Variants in TENM4 observed in about 807,000 individuals in gnomAD.
TENM4 encodes the protein teneurin transmembrane protein 4.
TENM4 carries 82 observed loss-of-function variants against 243.3 expected under a neutral mutation model. The observed-to-expected ratio is 0.34, with a 90% CI of 0.28 to 0.40. The LOEUF is 0.40. TENM4 is among the 10% of genes least tolerant of loss of function. The pLI is 1.00. For synonymous variants in TENM4, 1,412 were observed against 1,456.3 expected, an observed-to-expected ratio of 0.97 and a Z score of 0.69; for missense variants, 3,138 against 3,673.3, an observed-to-expected ratio of 0.85 and a Z score of 3.77.
chr11:78,867,912 T>C (rs1859023684), intron 9 of TENM4, among the ~76,000 whole-genome samples: 1 of 152,024 alleles, frequency 6.6e-6, no homozygotes, highest in Admixed American at 6.5e-5. Context: ...TTATTTTAAA[T>C]AGAAGATAAA....
At chr11:79,086,719 A>C (rs1001225315) in intron 4 of TENM4, among the ~76,000 whole-genome samples, 6 of 151,536 alleles carry the variant, frequency 4.0e-5, no homozygotes, top group African/African-American at 9.7e-5. Context: ...CTGTAGTCCC[A>C]GCTGCTTGGG....
chr11:78,707,013 T>C (rs1024461045), intron 27 of TENM4, among the ~76,000 whole-genome samples: 1 of 152,068 alleles, frequency 6.6e-6, no homozygotes, highest in African/African-American at 2.4e-5. Context: ...GGAGGTGACA[T>C]GAGTGCTGGG....
chr11:78,669,829 G>A lies in TENM4; in HGVS notation c.6516C>T (p.Asn2172=). 1.9e-6 allele frequency: 3 copies of A among 1,613,924 alleles called. No individual in the cohort carries two copies. The highest frequency in any genetic ancestry group is 2.5e-6 in the Non-Finnish European group (3 of 1,179,852). The stretch of plus-strand genomic sequence containing the variant: ...GCTCCTTCTTCACTACTCGCCCCAT[G>A]TTATCATACTGGACGGTCATCCAGT... ...LMYWMTVQYD[N]MGRVVKKELK... Residue 2172 remains asparagine, a synonymous_variant, in exon 32 of 34, where the codon AAC becomes AAT. Transcript: ENST00000278550. The surrounding 1 kb of genome is among the most constrained non-coding windows in gnomAD (Gnocchi z 6.4).
chr11:79,319,962 A>G (rs1856861006), intron 1 of TENM4, among the ~76,000 whole-genome samples: 1 of 152,166 alleles, frequency 6.6e-6, no homozygotes, highest in South Asian at 2.1e-4. Flanking sequence ...TCTACCAGTG[A>G]TTAATTTGGC....
chr11:79,217,305 C>T (rs913264270), intron 2 of TENM4, among the ~76,000 whole-genome samples: 7 of 152,074 alleles, frequency 4.6e-5, no homozygotes, highest in Non-Finnish European at 1.0e-4. Context: ...TTTCCTGCCC[C>T]ATACTGCCAC....
At chr11:79,253,051 A>C (rs1855639297) in intron 2 of TENM4, among the ~76,000 whole-genome samples, 2 of 152,218 alleles carry the variant, frequency 1.3e-5, no homozygotes, top group Non-Finnish European at 2.9e-5. Flanking sequence ...GAAAAGACAA[A>C]GGCTCCAAGA....
At chr11:79,262,446 C>T (rs763465251) in intron 2 of TENM4, among the ~76,000 whole-genome samples, 8 of 152,134 alleles carry the variant, frequency 5.3e-5, no homozygotes, top group Non-Finnish European at 1.0e-4. Context: ...AGGAAGTGGA[C>T]GCCAGTCTTG....
chr11:79,183,897 T>G (rs757068035), intron 3 of TENM4, among the ~76,000 whole-genome samples: 1 of 152,182 alleles, frequency 6.6e-6, no homozygotes. Flanking sequence ...CCCTTGTGCA[T>G]TACTGGTGGG....
intron 6 of TENM4, among the ~76,000 whole-genome samples, chr11:79,009,970 A>G (rs1432406909): frequency 6.6e-6 from 1 of 151,994 alleles, no homozygotes; most frequent in Admixed American, 6.5e-5. Flanking sequence ...GTCTCATGAG[A>G]TCTGACAGTT....
intron 2 of TENM4, among the ~76,000 whole-genome samples, chr11:79,282,034 T>G (rs1856165867): frequency 6.6e-6 from 1 of 152,228 alleles, no homozygotes. Flanking sequence ...GTGGATCACA[T>G]TTCCTCTGAC....
At chr11:78,938,897 TAC>T (rs1856836795) in intron 6 of TENM4, among the ~76,000 whole-genome samples, 1 of 152,220 alleles carries the variant, frequency 6.6e-6, no homozygotes, top group Admixed American at 6.5e-5. Flanking sequence ...CCTTTGTTCT[TAC>T]AGCAAAAACA....
chr11:79,366,468 G>A (rs1211719383), intron 1 of TENM4, among the ~76,000 whole-genome samples: 1 of 152,256 alleles, frequency 6.6e-6, no homozygotes. Flanking sequence ...GGGCTTACTA[G>A]CCCCTGCAGC....
chr11:78,729,391 G>T lies in TENM4; in HGVS notation c.3391C>A (p.Leu1131Ile), dbSNP rs1565352530. 6.3e-7 allele frequency: 1 copy of T among 1,578,074 alleles called. No individual in the cohort carries two copies. The highest frequency in any genetic ancestry group is 2.3e-5 in the East Asian group (1 of 43,244). ...GGAGGCTTACCAAAGGCTTCTGAAAGCCCAAACACCTTCTGGTTGTAGACG... is the reference window on the plus strand; with the variant it reads ...GGAGGCTTACCAAAGGCTTCTGAAATCCCAAACACCTTCTGGTTGTAGACG... Reference protein sequence around the residue: ...TDVYNQKVFGLSEAFVSVGYE... With the variant: ...TDVYNQKVFGISEAFVSVGYE... Residue 1131 changes from leucine to isoleucine, a missense_variant, in exon 22 of 34, where the codon CTT becomes ATT. By Grantham distance (5) the Leu-to-Ile change is conservative. Transcript: ENST00000278550.
In TENM4 at chr11:79,015,776, T is replaced by C. The variant is rs1007528871; in HGVS notation, c.493+48962A>G. On this transcript the variant is annotated intron_variant, in intron 6 of 33. Coordinates refer to ENST00000278550, the MANE Select transcript of TENM4 (RefSeq NM_001098816.3). ...TGGAGCTTCTAGTTTGGTGAAGAGA[T>C]AGACAATAAACACAAACAAAACAAC... is the stretch of plus-strand genomic sequence containing the variant. Among the ~76,000 whole-genome samples, 4 of 152,150 alleles carry C rather than the reference T, an allele frequency of 2.6e-5. No individual in the cohort carries two copies. The East Asian group carries it at 5.8e-4, about 22-fold the overall frequency.
chr11:79,207,510 G>T (rs1863872050), intron 3 of TENM4, among the ~76,000 whole-genome samples: 1 of 152,140 alleles, frequency 6.6e-6, no homozygotes, highest in African/African-American at 2.4e-5. Context: ...AAGTAGAAAA[G>T]CCCAGATTTG....
At chr11:79,210,209 C>T (rs1436500516) in intron 3 of TENM4, among the ~76,000 whole-genome samples, 1 of 152,166 alleles carries the variant, frequency 6.6e-6, no homozygotes, top group Non-Finnish European at 1.5e-5. Context: ...CAGTTCTCAT[C>T]GCCAGCCAGG....
At position 78,918,933 on chromosome 11, in the gene TENM4, C is replaced by T. The variant is rs1453032214; in HGVS notation, c.494-15410G>A. On this transcript the variant is annotated intron_variant, in intron 6 of 33. Transcript: ENST00000278550. The stretch of plus-strand genomic sequence containing the variant: ...GTTTGAATCCCAGCTCTGCCACTCA[C>T]TCAGCTGTGTGGTCTAGACAAGTTA... Among the ~76,000 whole-genome samples the T allele has an allele frequency of 1.6e-4, 25 of 152,174 alleles. 1 individual carries two copies. Among genetic ancestry groups the T allele is most frequent in the Non-Finnish European group, 1.5e-5 (1 of 68,012 alleles).
chr11:79,378,196 AG>A (rs1381385963), intron 1 of TENM4, among the ~76,000 whole-genome samples: 1 of 152,250 alleles, frequency 6.6e-6, no homozygotes, highest in Admixed American at 6.5e-5. Context: ...TCTGTCTCAT[AG>A]GAAATCTTGT....
At chr11:79,016,472 A>T (rs10899579) in intron 6 of TENM4, among the ~76,000 whole-genome samples, 1 of 152,126 alleles carries the variant, frequency 6.6e-6, no homozygotes, top group African/African-American at 2.4e-5. Context: ...ATTTGGGGTC[A>T]TGATTATGAG....
Sources: allele counts gnomAD v4.1 joint callset (sites outside exome capture counted in the v4.1 genomes callset), GRCh38; gene constraint gnomAD v4.1.1; non-coding constraint Gnocchi (gnomAD v3.1); transcripts MANE v1.5; gene names NCBI Gene and HGNC (gene_info 2026-07-23, HGNC 2026-07-21).